Variants in VPS13B observed in about 807,000 individuals in gnomAD.
VPS13B encodes the protein vacuolar protein sorting 13 homolog B, also known as intermembrane lipid transfer protein VPS13B.
Under a neutral mutation model 426.4 loss-of-function variants are expected in VPS13B, and 285 were observed. The observed-to-expected ratio is 0.67, with a 90% CI of 0.61 to 0.74. The LOEUF (loss-of-function observed/expected upper bound fraction) is 0.74. VPS13B is among the 30% of genes least tolerant of loss of function. The pLI, the probability that VPS13B is intolerant of heterozygous loss-of-function variation, is 0.00. For missense variants in VPS13B, 4,537 were observed against 4,782.6 expected, an observed-to-expected ratio of 0.95 and a Z score of 1.51; for synonymous variants, 1,676 against 1,676.4, an observed-to-expected ratio of 1.00 and a Z score of 0.01.
At chr8:99,310,781 C>G (rs548942228) in intron 19 of VPS13B, among the ~76,000 whole-genome samples, 1 of 152,236 alleles carries the variant, frequency 6.6e-6, no homozygotes, top group African/African-American at 2.4e-5. Context: ...CCTCCTTGTA[C>G]CTCTGGTAGA....
At chr8:99,417,646 A>G (rs1345092259) in intron 21 of VPS13B, among the ~76,000 whole-genome samples, 1 of 152,192 alleles carries the variant, frequency 6.6e-6, no homozygotes, top group Non-Finnish European at 1.5e-5. Flanking sequence ...ATATAACTTG[A>G]ACATTGAATT....
chr8:99,190,726 T>G (rs1294209550), intron 16 of VPS13B, among the ~76,000 whole-genome samples: 4 of 152,248 alleles, frequency 2.6e-5, no homozygotes, highest in African/African-American at 9.6e-5. Context: ...ATTGACATTG[T>G]GCATTCTACT....
At chr8:99,088,283 G>A (rs914369812) in intron 3 of VPS13B, among the ~76,000 whole-genome samples, 1 of 151,596 alleles carries the variant, frequency 6.6e-6, no homozygotes, top group Non-Finnish European at 1.5e-5. Flanking sequence ...GTAGAGCTTA[G>A]AGATTAGTGT....
At chr8:99,591,476 A>T (rs1254694458) in intron 33 of VPS13B, among the ~76,000 whole-genome samples, 1 of 151,974 alleles carries the variant, frequency 6.6e-6, no homozygotes, top group Non-Finnish European at 1.5e-5. Flanking sequence ...GCATGTTTTC[A>T]TGGTGGCTGG....
chr8:99,115,960 C>T (rs1847635426), intron 7 of VPS13B, 86 bp downstream of exon 7: 2 of 1,386,548 alleles, frequency 1.4e-6, no homozygotes, highest in Non-Finnish European at 1.0e-6. Flanking sequence ...AATGTATTAG[C>T]TTGAGTTTTA....
At chr8:99,062,064 T>G (rs951476514) in intron 3 of VPS13B, among the ~76,000 whole-genome samples, 11 of 152,184 alleles carry the variant, frequency 7.2e-5, no homozygotes, top group Non-Finnish European at 1.6e-4. Context: ...AGTATACTGT[T>G]CAGCCCTCCT....
intron 25 of VPS13B, among the ~76,000 whole-genome samples, chr8:99,491,486 T>G (rs1820600811): frequency 6.6e-6 from 1 of 152,240 alleles, no homozygotes; most frequent in African/African-American, 2.4e-5. Flanking sequence ...TCCCCATACC[T>G]TTCAGGTTCA....
intron 33 of VPS13B, among the ~76,000 whole-genome samples, chr8:99,636,578 C>G (rs1829078521): frequency 6.6e-6 from 1 of 151,948 alleles, no homozygotes; most frequent in Non-Finnish European, 1.5e-5. Flanking sequence ...GAGTACACAT[C>G]CTTTCCTCAT....
chr8:99,066,003 G>A (rs1274734221), intron 3 of VPS13B, among the ~76,000 whole-genome samples: 1 of 152,112 alleles, frequency 6.6e-6, no homozygotes, highest in Non-Finnish European at 1.5e-5. Flanking sequence ...AATAAAAGAG[G>A]ACACAAACAA....
At chr8:99,574,208 G>A (rs905176612) in intron 31 of VPS13B, among the ~76,000 whole-genome samples, 7 of 152,142 alleles carry the variant, frequency 4.6e-5, no homozygotes, top group Admixed American at 3.9e-4. Flanking sequence ...GGGCTGAGAG[G>A]ATGGGGTTTT....
At chr8:99,286,159 C>T (rs933618228) in intron 19 of VPS13B, among the ~76,000 whole-genome samples, 2 of 152,148 alleles carry the variant, frequency 1.3e-5, no homozygotes. Flanking sequence ...TTCTTAACAG[C>T]AGGGAACCAT....
At chr8:99,797,331 C>T (rs906555339) in intron 43 of VPS13B, among the ~76,000 whole-genome samples, 1 of 151,906 alleles carries the variant, frequency 6.6e-6, no homozygotes, top group Non-Finnish European at 1.5e-5. Context: ...CCTCTGACTC[C>T]GGGGCTCAAG....
chr8:99,166,124 C>G (rs987388169), intron 15 of VPS13B, among the ~76,000 whole-genome samples: 4 of 152,122 alleles, frequency 2.6e-5, no homozygotes, highest in Admixed American at 6.6e-5. Flanking sequence ...GGATTACAGG[C>G]ACGTGCCACC....
intron 33 of VPS13B, among the ~76,000 whole-genome samples, chr8:99,610,744 AG>A (rs1292375894): frequency 2.0e-5 from 3 of 152,242 alleles, no homozygotes; most frequent in Non-Finnish European, 2.9e-5. Flanking sequence ...AATAAAAAAA[AG>A]TTTCATGATC....
At chr8:99,821,566 G>T in intron 50 of VPS13B, 84 bp downstream of exon 50, 1 of 1,503,036 alleles carries the variant, frequency 6.7e-7, no homozygotes. Context: ...TTTTCTTTTT[G>T]ATACCTTTTT....
intron 17 of VPS13B, among the ~76,000 whole-genome samples, chr8:99,238,054 TC>T (rs1266277831): frequency 1.3e-5 from 2 of 152,152 alleles, no homozygotes; most frequent in African/African-American, 4.8e-5. Flanking sequence ...GTCGTGCTTT[TC>T]CATTGCCTGG....
At chr8:99,390,166 C>T (rs964907213) in intron 20 of VPS13B, among the ~76,000 whole-genome samples, 2 of 150,754 alleles carry the variant, frequency 1.3e-5, no homozygotes, top group East Asian at 1.9e-4. Flanking sequence ...GGCATGATCT[C>T]GGCTCACTGC....
chr8:99,854,124 A>T lies in VPS13B; in HGVS notation c.10735A>T (p.Lys3579Ter), dbSNP rs1057520769. The T allele has an allele frequency of 1.2e-6, 2 of 1,611,938 alleles. No homozygotes were observed. Among genetic ancestry groups the T allele is most frequent in the Non-Finnish European group, 1.7e-6 (2 of 1,179,380 alleles). ...NLLVSIHASLKLYIASDHTPL... is the reference protein window; with the variant it reads ...NLLVSIHASL Reference sequence around the variant, plus strand: ...GCTCGTCAGCATCCACGCTTCCCTCAAGCTGTACATAGCCTCAGACCACAC... The same window carrying T: ...GCTCGTCAGCATCCACGCTTCCCTCTAGCTGTACATAGCCTCAGACCACAC... Residue 3579 changes from lysine (K) to a stop codon, truncating the protein, a stop_gained, in exon 56 of 62, where the codon AAG becomes TAG. Coordinates refer to ENST00000357162, the MANE Select transcript of VPS13B (RefSeq NM_152564.5). LOFTEE classifies it high-confidence loss of function.
At chr8:99,595,277 C>A (rs1228316299) in intron 33 of VPS13B, among the ~76,000 whole-genome samples, 1 of 151,770 alleles carries the variant, frequency 6.6e-6, no homozygotes, top group Non-Finnish European at 1.5e-5. Flanking sequence ...TAAGGATAGA[C>A]ATATGGATCA....
Sources: gnomAD v4.1 joint callset for allele counts (sites outside exome capture counted in the v4.1 genomes callset) on GRCh38, gnomAD v4.1.1 for gene constraint, MANE v1.5 for transcripts, NCBI Gene and HGNC (gene_info 2026-07-23, HGNC 2026-07-21) for gene names.